Variants in CACNA1E observed in about 807,000 individuals in gnomAD.
CACNA1E encodes voltage-dependent R-type calcium channel subunit alpha-1E.
In CACNA1E, 40 loss-of-function variants were observed where a neutral mutation model predicts 259.2. That is an observed-to-expected ratio of 0.15 (90% CI 0.12 to 0.20). The LOEUF (loss-of-function observed/expected upper bound fraction) is 0.20, where lower values mean the gene tolerates loss of function less well. Ranked by LOEUF, CACNA1E falls within the 10% of genes least tolerant of loss-of-function variation. CACNA1E has a pLI of 1.00. For synonymous variants in CACNA1E, 1,104 were observed against 1,138.5 expected (o/e 0.97, Z 0.61); for missense variants, 1,874 against 3,040.1 (o/e 0.62, Z 9.02).
intron 1 of CACNA1E, among the ~76,000 whole-genome samples, chr1:181,376,318 A>G (rs1571705585): frequency 6.6e-6 from 1 of 152,216 alleles, no homozygotes; most frequent in East Asian, 1.9e-4. Context: ...CCACCCAGGA[A>G]GGTAAGCTGT....
chr1:181,419,841 A>C (rs544539742), intron 2 of CACNA1E, among the ~76,000 whole-genome samples: 1 of 152,318 alleles, frequency 6.6e-6, no homozygotes, highest in South Asian at 2.1e-4. Flanking sequence ...CAGCAGTGGA[A>C]GTGGGGAGTC....
At chr1:181,368,170 C>T (rs541902633) in intron 1 of CACNA1E, among the ~76,000 whole-genome samples, 45 of 151,860 alleles carry the variant, frequency 3.0e-4, no homozygotes, top group African/African-American at 8.5e-4. Context: ...GCTGAGGTTG[C>T]GGTGAGCCGA....
Position 181,718,170 on chromosome 1 carries a change from A to G in CACNA1E, c.1638+3A>G. ...CATTCAACTGCTTTGATTTTGGGGT[A>G]AGTCCTCGGAAGCCTGCCTCTGCTC... On this transcript the variant is annotated splice_donor_region_variant and intron_variant, in intron 12 of 47. Coordinates refer to ENST00000367573, the MANE Select transcript of CACNA1E (RefSeq NM_001205293.3). 3 of 1,489,726 alleles carry G rather than the reference A, an allele frequency of 2.0e-6. No individual in the cohort carries two copies. Among genetic ancestry groups the G allele is most frequent in the Non-Finnish European group, 2.8e-6 (3 of 1,069,044 alleles). The allele number at this position is 1,489,726 out of a possible 1,614,324, so 92.3% of individuals were successfully genotyped here.
At chr1:181,458,851 A>G (rs1168590517) in intron 2 of CACNA1E, among the ~76,000 whole-genome samples, 1 of 148,674 alleles carries the variant, frequency 6.7e-6, no homozygotes, top group East Asian at 1.9e-4. Context: ...CCATCCATCC[A>G]TCCATCCATC....
At chr1:181,483,387 C>T (rs1663466697), upstream of CACNA1E, 1 of 178,252 alleles carries the variant, frequency 5.6e-6, no homozygotes, top group South Asian at 1.9e-4. Context: ...GCCTACTCCA[C>T]CCCTCTCCTC....
At chr1:181,639,971 G>C (rs1000270505) in intron 6 of CACNA1E, among the ~76,000 whole-genome samples, 2 of 152,200 alleles carry the variant, frequency 1.3e-5, no homozygotes, top group Non-Finnish European at 2.9e-5. Context: ...TATGGAGTCT[G>C]AGTGGGAAGG....
In CACNA1E at chr1:181,770,939, A is replaced by G. The variant is rs946064235; in HGVS notation, c.4882-354A>G. Among the ~76,000 whole-genome samples, 5 of 152,316 alleles carry G rather than the reference A, an allele frequency of 3.3e-5. No individual in the cohort carries two copies. In the South Asian group the frequency reaches 1.0e-3, roughly 32 times the overall value. On this transcript the variant is annotated intron_variant, in intron 35 of 47. Transcript: ENST00000367573. Reference sequence around the variant, plus strand: ...TTCTGTGCACTCCTGCTGTGAGATAATGTCTTTGACAGACGCTTGAGTACC... The same window carrying G: ...TTCTGTGCACTCCTGCTGTGAGATAGTGTCTTTGACAGACGCTTGAGTACC...
intron 7 of CACNA1E, among the ~76,000 whole-genome samples, chr1:181,653,828 T>A (rs537096540): frequency 6.6e-6 from 1 of 152,372 alleles, no homozygotes; most frequent in Middle Eastern, 3.4e-3. Context: ...AACATTCACA[T>A]GTTCCAGGAC....
chr1:181,702,491 T>G (rs1008464522), intron 7 of CACNA1E, among the ~76,000 whole-genome samples: 4 of 152,194 alleles, frequency 2.6e-5, no homozygotes, highest in African/African-American at 4.8e-5. Context: ...CTGCTGCAAC[T>G]GACCAATCGT....
intron 10 of CACNA1E, among the ~76,000 whole-genome samples, 183 bp downstream of exon 10, chr1:181,716,312 A>AAGGACCTGG (rs11404308): frequency 6.6e-6 from 1 of 151,064 alleles, no homozygotes; most frequent in African/African-American, 2.4e-5. Flanking sequence ...AAAAAAAAAA[A>AAGGACCTGG]GGACCTGGGG....
intron 8 of CACNA1E, 116 bp from the exon 9 acceptor site, chr1:181,715,222 T>A: frequency 1.5e-6 from 1 of 676,800 alleles, no homozygotes; most frequent in Non-Finnish European, 2.7e-6. Context: ...TGTGACAGGC[T>A]CTGAACTCTG....
intron 6 of CACNA1E, among the ~76,000 whole-genome samples, chr1:181,638,190 C>T (rs553852057): frequency 5.3e-5 from 8 of 152,316 alleles, no homozygotes; most frequent in African/African-American, 1.9e-4. Context: ...AACAGAATGG[C>T]TGTTGTACAA....
intron 2 of CACNA1E, among the ~76,000 whole-genome samples, chr1:181,436,753 T>TTTAG (rs1342185987): frequency 7.6e-6 from 1 of 131,972 alleles, no homozygotes; most frequent in Non-Finnish European, 1.7e-5. Flanking sequence ...GGTACAACAT[T>TTTAG]TTAGTTAGAC....
At chr1:181,791,715 A>C (rs1260073751) in intron 44 of CACNA1E, among the ~76,000 whole-genome samples, 1 of 152,138 alleles carries the variant, frequency 6.6e-6, no homozygotes, top group Admixed American at 6.5e-5. Context: ...ACAAAACCCA[A>C]CCATTGCAAA....
At chr1:181,704,386 A>G (rs1420082516) in intron 7 of CACNA1E, among the ~76,000 whole-genome samples, 2 of 152,192 alleles carry the variant, frequency 1.3e-5, no homozygotes, top group Non-Finnish European at 2.9e-5. Context: ...CAGAATTGCC[A>G]ATCTTGCTTC....
At chr1:181,651,498 A>T (rs1558228930) in intron 7 of CACNA1E, 57 bp downstream of exon 7, 1 of 1,209,014 alleles carries the variant, frequency 8.3e-7, no homozygotes, top group Non-Finnish European at 1.2e-6. Context: ...CTGTAAACTA[A>T]TGCCTCCTGA....
chr1:181,728,087 G>A (rs1655083326), intron 18 of CACNA1E, among the ~76,000 whole-genome samples: 1 of 152,180 alleles, frequency 6.6e-6, no homozygotes, highest in Admixed American at 6.5e-5. Context: ...TTCCTCTCTG[G>A]AATATTCTCT....
Position 181,793,800 on chromosome 1 carries a change from A to T in CACNA1E, c.6027+7A>T. The stretch of plus-strand genomic sequence containing the variant: ...TCTGACTGTGGATCCCCAGGTAAAA[A>T]GCAACCACCTACATTAATGCAGTGG... On this transcript the variant is annotated splice_region_variant and intron_variant, in intron 45 of 47. Transcript: ENST00000367573. 1 of 1,610,756 alleles carries T rather than the reference A, an allele frequency of 6.2e-7. No individual in the cohort carries two copies. The highest frequency in any genetic ancestry group is 8.5e-7 in the Non-Finnish European group (1 of 1,179,112).
intron 1 of CACNA1E, among the ~76,000 whole-genome samples, chr1:181,373,537 C>CTTTT (rs5779097): frequency 8.3e-5 from 10 of 120,906 alleles, no homozygotes; most frequent in Non-Finnish European, 1.2e-4. Context: ...TCTTTTCTTT[C>CTTTT]TTTTTTTTTT....
Sources: allele counts gnomAD v4.1 joint callset (sites outside exome capture counted in the v4.1 genomes callset), GRCh38; gene constraint gnomAD v4.1.1; transcripts MANE v1.5; gene names NCBI Gene and HGNC (gene_info 2026-07-23, HGNC 2026-07-21).